Variants in PTAR1 observed in about 807,000 individuals in gnomAD.
PTAR1 encodes the protein protein prenyltransferase alpha subunit repeat-containing protein 1.
In PTAR1, 17 loss-of-function variants were observed where a neutral mutation model predicts 45.5. The ratio of observed to expected loss-of-function variants is 0.37; its 90% confidence interval spans 0.26 to 0.56. The LOEUF (loss-of-function observed/expected upper bound fraction) is 0.56. Ranked by LOEUF, PTAR1 falls within the 20% of genes least tolerant of loss-of-function variation. The pLI is 0.77. For missense variants in PTAR1, 391 were observed against 476.3 expected, an observed-to-expected ratio of 0.82 and a Z score of 1.67; for synonymous variants, 169 against 171.3, an observed-to-expected ratio of 0.99 and a Z score of 0.11.
Position 69,710,704 on chromosome 9 carries a change from T to C in PTAR1, c.*7638A>G, listed in dbSNP as rs1000991051. 2.6e-5 allele frequency: 4 copies of C among 152,142 alleles called. No individual in the cohort carries two copies. The highest frequency in any genetic ancestry group is 4.8e-5 in the African/African-American group (2 of 41,454). The allele number at this position is 152,142 out of a possible 1,614,324, so 9.4% of individuals were successfully genotyped here. On this transcript the variant is annotated 3_prime_UTR_variant, in exon 8 of 8. Coordinates refer to ENST00000340434, the MANE Select transcript of PTAR1 (RefSeq NM_001099666.2). ...AAGGACTTCAATGTAGACTGTTACA[T>C]TGGGGAAAAACAGATCAAGAAACAT...
intron 1 of PTAR1, chr9:69,757,127 G>A (rs1826816374): frequency 2.0e-5 from 3 of 152,072 alleles, no homozygotes; most frequent in Admixed American, 6.6e-5. Flanking sequence ...TTCATAAACA[G>A]TGAGTTCAAT....
intron 5 of PTAR1, among the ~76,000 whole-genome samples, chr9:69,730,195 TG>T (rs1271984163): frequency 6.6e-6 from 1 of 152,054 alleles, no homozygotes; most frequent in African/African-American, 2.4e-5. Flanking sequence ...AATGGAAGAA[TG>T]GTAAGTCTTC....
chr9:69,709,530 G>A lies in PTAR1; in HGVS notation c.*8812C>T, dbSNP rs1268786411. The A allele has an allele frequency of 6.6e-6, 1 of 152,122 alleles. No homozygotes were observed. The highest frequency in any genetic ancestry group is 1.5e-5 in the Non-Finnish European group (1 of 68,004). The allele number at this position is 152,122 out of a possible 1,614,324, so 9.4% of individuals were successfully genotyped here. ...AAAATCACACTTAACACTCATTTTA[G>A]GAGATAAAAGGTTTACTTAGAAATT... is the stretch of plus-strand genomic sequence containing the variant. On this transcript the variant is annotated 3_prime_UTR_variant, in exon 8 of 8. Transcript: ENST00000340434.
chr9:69,742,725 G>C (rs372496210), intron 2 of PTAR1, among the ~76,000 whole-genome samples: 1 of 151,870 alleles, frequency 6.6e-6, no homozygotes, highest in Non-Finnish European at 1.5e-5. Context: ...CCCTATAACT[G>C]ACCTATATAT....
intron 1 of PTAR1, chr9:69,756,978 A>G (rs1378023237): frequency 6.6e-6 from 1 of 152,218 alleles, no homozygotes; most frequent in African/African-American, 2.4e-5. Context: ...CTCAATAGCT[A>G]CTATGGCTAG....
At chr9:69,741,537 A>C in intron 3 of PTAR1, 2 of 419,896 alleles carry the variant, frequency 4.8e-6, no homozygotes, top group East Asian at 4.0e-5. Flanking sequence ...AAAATGAAGG[A>C]AAATAAAAGC....
At chr9:69,730,802 C>T (rs939223138) in intron 5 of PTAR1, among the ~76,000 whole-genome samples, 1 of 151,940 alleles carries the variant, frequency 6.6e-6, no homozygotes, top group East Asian at 1.9e-4. Context: ...CAATAAATTG[C>T]ACGGAGTTGA....
chr9:69,755,729 T>A (rs1464483891), intron 1 of PTAR1, among the ~76,000 whole-genome samples: 1 of 152,234 alleles, frequency 6.6e-6, no homozygotes. Flanking sequence ...CCGTTGCATA[T>A]TGATAATTAA....
In PTAR1 at chr9:69,711,608, T is replaced by C. The variant is rs1019377785; in HGVS notation, c.*6734A>G. ...AACCTAAACCCGATAGTACTGGATA[T>C]ACCAATACAGAGACTGATTGCAGAA... On this transcript the variant is annotated 3_prime_UTR_variant, in exon 8 of 8. Coordinates refer to ENST00000340434, the MANE Select transcript of PTAR1 (RefSeq NM_001099666.2). 5.3e-5 allele frequency: 8 copies of C among 152,158 alleles called. No individual in the cohort carries two copies. Among genetic ancestry groups the C allele is most frequent in the African/African-American group, 1.9e-4 (8 of 41,436 alleles). 9.4% of individuals were successfully genotyped at this position (152,158 alleles called of 1,614,324 possible).
At chr9:69,750,392 C>T (rs1380130442) in intron 2 of PTAR1, among the ~76,000 whole-genome samples, 1 of 151,920 alleles carries the variant, frequency 6.6e-6, no homozygotes, top group Non-Finnish European at 1.5e-5. Context: ...ATGAGTTTTG[C>T]TGCCTATAAA....
chr9:69,752,921 T>C (rs1564148510), intron 1 of PTAR1, among the ~76,000 whole-genome samples: 2 of 152,104 alleles, frequency 1.3e-5, no homozygotes, highest in Admixed American at 6.6e-5. Flanking sequence ...TCTCTGGTAT[T>C]TTCTGATGTT....
chr9:69,750,974 G>C (rs781072149), intron 1 of PTAR1, 24 bp from the exon 2 acceptor site: 2 of 1,467,508 alleles, frequency 1.4e-6, no homozygotes, highest in Non-Finnish European at 1.8e-6. Context: ...ACATAAAAAA[G>C]AATTAAAAAT....
intron 2 of PTAR1, among the ~76,000 whole-genome samples, chr9:69,742,823 T>C (rs1337883500): frequency 1.3e-5 from 2 of 152,160 alleles, no homozygotes; most frequent in African/African-American, 4.8e-5. Flanking sequence ...CATTGTTTAC[T>C]ACATATAGTT....
chr9:69,743,278 A>G (rs1826121718), intron 2 of PTAR1, among the ~76,000 whole-genome samples: 1 of 152,168 alleles, frequency 6.6e-6, no homozygotes, highest in Non-Finnish European at 1.5e-5. Context: ...TCAACATCAA[A>G]ATTGTTTCCA....
intron 3 of PTAR1, among the ~76,000 whole-genome samples, chr9:69,734,673 C>A (rs775272228): frequency 6.6e-5 from 10 of 152,022 alleles, no homozygotes; most frequent in Non-Finnish European, 1.3e-4. Context: ...TTGACATGGT[C>A]TATTTCATTA....
rs949831347 is a variant in PTAR1, at chr9:69,709,884, G to A, written c.*8458C>T. On this transcript the variant is annotated 3_prime_UTR_variant, in exon 8 of 8. Coordinates refer to ENST00000340434, the MANE Select transcript of PTAR1 (RefSeq NM_001099666.2). ...AGAAACAGGACAGAATTTAGTGAACGCAACTTAAAAATTTGTTAATGTAGT... is the reference window on the plus strand; with the variant it reads ...AGAAACAGGACAGAATTTAGTGAACACAACTTAAAAATTTGTTAATGTAGT... 1 of 151,996 alleles carries A rather than the reference G, an allele frequency of 6.6e-6. No homozygotes were observed. The highest frequency in any genetic ancestry group is 1.5e-5 in the Non-Finnish European group (1 of 67,976). The allele number at this position is 151,996 out of a possible 1,614,324, so 9.4% of individuals were successfully genotyped here. A position where few individuals can be genotyped will look rare whatever the true frequency, so the allele number is the denominator to read the frequency against.
At position 69,721,111 on chromosome 9, in the gene PTAR1, T is replaced by C. The variant is rs552802639; in HGVS notation, c.947+2215A>G. Among the ~76,000 whole-genome samples the C allele has an allele frequency of 2.1e-4, 32 of 152,344 alleles. 1 individual carries two copies. Among genetic ancestry groups the C allele is most frequent in the African/African-American group, 5.3e-4 (22 of 41,588 alleles). Reference sequence around the variant, plus strand: ...CTCTAATGGATCTGGGCAAAGTAAATTGAAAACCTTCTGAAAAGGGTTCAC... The same window carrying C: ...CTCTAATGGATCTGGGCAAAGTAAACTGAAAACCTTCTGAAAAGGGTTCAC... On this transcript the variant is annotated intron_variant, in intron 6 of 7. Transcript: ENST00000340434.
intron 5 of PTAR1, among the ~76,000 whole-genome samples, chr9:69,726,499 CT>C (rs763807630): frequency 1.3e-4 from 20 of 152,022 alleles, no homozygotes; most frequent in Non-Finnish European, 2.7e-4. Context: ...TAGAAATATA[CT>C]TGCTGGAACA....
chr9:69,750,548 CAGG>C lies in PTAR1; in HGVS notation c.256+230_256+232del, dbSNP rs574170572. ...GATAAAATCTGAACTGCTCTGGTTA[CAGG>C]AGGTGCCCTGAAATTCTGCTTGAGG... is the stretch of plus-strand genomic sequence containing the variant. On this transcript the variant is annotated intron_variant, in intron 2 of 7. Transcript: ENST00000340434. Among the ~76,000 whole-genome samples the C allele has an allele frequency of 3.4e-4, 52 of 150,962 alleles. 1 individual carries two copies. In the South Asian group the frequency reaches 0.011, roughly 32 times the overall value.
Sources: gnomAD v4.1 joint callset for allele counts (sites outside exome capture counted in the v4.1 genomes callset) on GRCh38, gnomAD v4.1.1 for gene constraint, MANE v1.5 for transcripts, NCBI Gene and HGNC (gene_info 2026-07-23, HGNC 2026-07-21) for gene names.